The following ASPH variants were observed in gnomAD, a reference collection of about 807,000 sequenced individuals.
ASPH encodes aspartate beta-hydroxylase.
A neutral mutation model predicts 118.4 loss-of-function variants in ASPH; 100 were observed. That is an observed-to-expected ratio of 0.84 (90% CI 0.72 to 1.00). The LOEUF is 1.00. Ranked by LOEUF, ASPH falls within the 50% of genes least tolerant of loss-of-function variation. ASPH has a pLI of 0.00. For synonymous variants in ASPH, 315 were observed against 325.6 expected, an observed-to-expected ratio of 0.97 and a Z score of 0.35; for missense variants, 920 against 919.5, an observed-to-expected ratio of 1.00 and a Z score of -0.01.
At chr8:61,705,104 G>T (rs557903039) in intron 1 of ASPH, among the ~76,000 whole-genome samples, 1 of 152,120 alleles carries the variant, frequency 6.6e-6, no homozygotes, top group Non-Finnish European at 1.5e-5. Flanking sequence ...TATACAACAC[G>T]AATGGAGCTG....
At chr8:61,624,645 C>T (rs916311183) in intron 13 of ASPH, 2 of 985,344 alleles carry the variant, frequency 2.0e-6, no homozygotes, top group African/African-American at 3.5e-5. Context: ...AAAGACAAGG[C>T]TCATTAATTC....
chr8:61,598,998 A>G (rs1179481472), intron 14 of ASPH, among the ~76,000 whole-genome samples: 17 of 152,202 alleles, frequency 1.1e-4, no homozygotes, highest in Admixed American at 1.1e-3. Context: ...CAGTAGTGCT[A>G]AGAAGGAAGT....
chr8:61,529,502 GAAAGACA>G (rs1816770994), intron 21 of ASPH, among the ~76,000 whole-genome samples: 1 of 152,196 alleles, frequency 6.6e-6, no homozygotes, highest in African/African-American at 2.4e-5. Flanking sequence ...TCCAACTTTG[GAAAGACA>G]AACCAGGGGC....
chr8:61,582,791 T>G (rs113347439), intron 15 of ASPH, among the ~76,000 whole-genome samples: 1 of 152,208 alleles, frequency 6.6e-6, no homozygotes, highest in African/African-American at 2.4e-5. Flanking sequence ...CCTTTATTAT[T>G]GCAGCCAATG....
At chr8:61,559,188 T>A (rs1164284866) in intron 18 of ASPH, among the ~76,000 whole-genome samples, 2 of 152,216 alleles carry the variant, frequency 1.3e-5, no homozygotes, top group Non-Finnish European at 2.9e-5. Flanking sequence ...TTACAAATAA[T>A]CCAATTATAT....
At chr8:61,567,563 A>C (rs571804189) in intron 16 of ASPH, among the ~76,000 whole-genome samples, 1 of 152,342 alleles carries the variant, frequency 6.6e-6, no homozygotes, top group African/African-American at 2.4e-5. Flanking sequence ...CAGGACTAAT[A>C]CACGCTGGGG....
At chr8:61,625,379 AG>A (rs1486378297) in intron 13 of ASPH, 2 of 985,660 alleles carry the variant, frequency 2.0e-6, no homozygotes, top group Non-Finnish European at 2.4e-6. Flanking sequence ...AGCGGTCTCT[AG>A]TGCTGGAGGG....
chr8:61,663,141 TG>T (rs1817781829), intron 3 of ASPH: 1 of 985,404 alleles, frequency 1.0e-6, no homozygotes, highest in African/African-American at 1.7e-5. Context: ...TTGAGAATCG[TG>T]TAACTTTCAT....
intron 1 of ASPH, among the ~76,000 whole-genome samples, chr8:61,690,160 A>G (rs921664546): frequency 2.0e-5 from 3 of 152,220 alleles, no homozygotes; most frequent in African/African-American, 7.2e-5. Context: ...GCCCAGAAAC[A>G]GTTTGATTTG....
chr8:61,648,597 G>A (rs770302192), intron 5 of ASPH, among the ~76,000 whole-genome samples: 5 of 152,050 alleles, frequency 3.3e-5, no homozygotes, highest in Non-Finnish European at 5.9e-5. Context: ...TTTAGCTTTC[G>A]TATGCGGTTG....
chr8:61,618,196 T>C (rs1456924485), intron 14 of ASPH, among the ~76,000 whole-genome samples: 1 of 152,174 alleles, frequency 6.6e-6, no homozygotes, highest in African/African-American at 2.4e-5. Flanking sequence ...GCTCACCAAG[T>C]ATCATTTGCA....
At chr8:61,573,349 T>G (rs1834041514) in intron 16 of ASPH, among the ~76,000 whole-genome samples, 1 of 152,152 alleles carries the variant, frequency 6.6e-6, no homozygotes, top group Non-Finnish European at 1.5e-5. Flanking sequence ...CTTCACAGCA[T>G]TAGAAAAAAC....
intron 13 of ASPH, chr8:61,626,241 C>T: frequency 6.5e-7 from 1 of 1,545,270 alleles, no homozygotes; most frequent in South Asian, 1.3e-5. Flanking sequence ...GGCTGGTCCT[C>T]CTGTGGTGGT....
At chr8:61,639,507 T>TG (rs1804066137) in intron 10 of ASPH, among the ~76,000 whole-genome samples, 1 of 152,184 alleles carries the variant, frequency 6.6e-6, no homozygotes, top group Non-Finnish European at 1.5e-5. Flanking sequence ...CTCTCCCCTT[T>TG]GGTTTTTCGT....
intron 3 of ASPH, among the ~76,000 whole-genome samples, chr8:61,668,480 T>C (rs576711590): frequency 2.0e-5 from 3 of 152,348 alleles, no homozygotes; most frequent in Non-Finnish European, 2.9e-5. Flanking sequence ...AAATGCATTA[T>C]AATCAGCCTA....
intron 13 of ASPH, chr8:61,626,290 TA>T: frequency 6.4e-7 from 1 of 1,561,774 alleles, no homozygotes; most frequent in Non-Finnish European, 8.6e-7. Context: ...TCTGCAAAAA[TA>T]AGGGGAAATC....
intron 24 of ASPH, among the ~76,000 whole-genome samples, chr8:61,514,451 T>C (rs1810095605): frequency 6.6e-6 from 1 of 152,130 alleles, no homozygotes; most frequent in Non-Finnish European, 1.5e-5. Flanking sequence ...TGGTGGCTCA[T>C]GCCTGTAATC....
chr8:61,649,936 T>C, intron 5 of ASPH, among the ~76,000 whole-genome samples: 1 of 152,220 alleles, frequency 6.6e-6, no homozygotes, highest in East Asian at 1.9e-4. Context: ...CCAGCCATTC[T>C]GAACTACTTT....
intron 3 of ASPH, chr8:61,668,184 C>T: frequency 1.3e-6 from 2 of 1,517,542 alleles, no homozygotes; most frequent in East Asian, 2.3e-5. Context: ...CATGCATTTT[C>T]AAACATTAAA....
Sources: gnomAD v4.1 joint callset for allele counts (sites outside exome capture counted in the v4.1 genomes callset) on GRCh38, gnomAD v4.1.1 for gene constraint, MANE v1.5 for transcripts, NCBI Gene and HGNC (gene_info 2026-07-23, HGNC 2026-07-21) for gene names.